Variants in C5 observed in about 807,000 individuals in gnomAD.
The protein encoded by C5 is C3 and PZP-like alpha-2-macroglobulin domain-containing protein 4.
A neutral mutation model predicts 218.8 loss-of-function variants in C5; 140 were observed. The ratio of observed to expected loss-of-function variants is 0.64; its 90% CI spans 0.56 to 0.74. C5 has a LOEUF of 0.74. Ranked by LOEUF, C5 falls within the 30% of genes least tolerant of loss-of-function variation. The probability of loss-of-function intolerance (pLI) is 0.00; values close to 1 mark genes in which losing one functional copy is unlikely to be tolerated. For missense variants in C5, 1,700 were observed against 1,969.6 expected, an observed-to-expected ratio of 0.86 and a Z score of 2.59; for synonymous variants, 614 against 682.3, an observed-to-expected ratio of 0.90 and a Z score of 1.56.
chr9:121,063,995 T>C, the C5 span, among the ~76,000 whole-genome samples: 1 of 151,408 alleles, frequency 6.6e-6, no homozygotes, highest in Non-Finnish European at 1.5e-5. Flanking sequence ...GATATTTCTT[T>C]GTAAGAAGAA....
intron 20 of C5, among the ~76,000 whole-genome samples, chr9:121,005,121 C>T (rs41309884): frequency 1.7e-3 from 266 of 152,164 alleles, no homozygotes; most frequent in African/African-American, 5.9e-3. Context: ...AATTTTGGAA[C>T]ACATTGAATT....
At position 120,952,460 on chromosome 9, in the gene C5, T is replaced by A; in HGVS notation, c.*279A>T. 1 of 374,112 alleles carries A rather than the reference T, an allele frequency of 2.7e-6. No homozygotes were observed. Among genetic ancestry groups the A allele is most frequent in the Non-Finnish European group, 5.1e-6 (1 of 195,180 alleles). The allele number at this position is 374,112 out of a possible 1,614,324, so 23.2% of individuals were successfully genotyped here. A position where few individuals can be genotyped will look rare whatever the true frequency, so the allele number is the denominator to read the frequency against. ...TTCTTTCGGCCCCAGCAAACATTCC[T>A]GAGTGGTAGGTTTGAGGAGGTGTTC... On this transcript the variant is annotated 3_prime_UTR_variant, in exon 41 of 41. Coordinates refer to ENST00000223642, the MANE Select transcript of C5 (RefSeq NM_001735.3).
chr9:121,054,131 C>T (rs2047686601), upstream of C5, among the ~76,000 whole-genome samples: 2 of 151,918 alleles, frequency 1.3e-5, no homozygotes, highest in African/African-American at 4.8e-5. Flanking sequence ...CTTGTTATAC[C>T]CCCTCCCTTT....
At chr9:121,041,321 C>CTTTTT (rs2047578435) in intron 3 of C5, among the ~76,000 whole-genome samples, 1 of 5,678 alleles carries the variant, frequency 1.8e-4, no homozygotes, top group African/African-American at 4.1e-4. Context: ...TTTTTTTTTG[C>CTTTTT]TGAGACGAAG....
chr9:120,968,966 T>C, intron 33 of C5, 95 bp downstream of exon 33: 1 of 1,001,554 alleles, frequency 1.0e-6, no homozygotes. Flanking sequence ...TTGTATCTTC[T>C]GGACATACCA....
chr9:121,005,376 A>G (rs1374863511), intron 20 of C5, among the ~76,000 whole-genome samples: 1 of 152,204 alleles, frequency 6.6e-6, no homozygotes, highest in Non-Finnish European at 1.5e-5. Flanking sequence ...GTAAAGGACA[A>G]TAAAAGGGAT....
chr9:120,974,360 C>T (rs772395230), intron 30 of C5, among the ~76,000 whole-genome samples: 72 of 152,336 alleles, frequency 4.7e-4, no homozygotes, highest in Middle Eastern at 3.4e-3. Flanking sequence ...TTCCCTCCTA[C>T]GCTCACTGTA....
intron 39 of C5, 152 bp from the exon 40 acceptor site, chr9:120,954,020 G>C (rs2046767367): frequency 1.3e-6 from 1 of 755,346 alleles, no homozygotes; most frequent in South Asian, 1.6e-5. Context: ...TCAGTCTCTG[G>C]AGCCAGACTG....
chr9:120,991,133 G>T (rs1225129400), intron 23 of C5, 58 bp downstream of exon 23: 5 of 999,442 alleles, frequency 5.0e-6, no homozygotes, highest in South Asian at 2.5e-5. Flanking sequence ...GAGGATATTT[G>T]ATTTTTGTTT....
chr9:120,983,545 T>A (rs1024955942), intron 25 of C5, among the ~76,000 whole-genome samples: 9 of 152,188 alleles, frequency 5.9e-5, no homozygotes, highest in African/African-American at 2.2e-4. Flanking sequence ...TCATTTTCAT[T>A]TTTTAAATGT....
Position 121,046,202 on chromosome 9 carries a change from C to A in C5, c.247G>T (p.Ala83Ser), listed in dbSNP as rs748797024. Residue 83 changes from alanine (A) to serine (S), a missense_variant, in exon 2 of 41, where the codon GCA becomes TCA. Ala to Ser is a moderately conservative substitution (Grantham distance 99). Transcript: ENST00000223642. ...GGATAAATACATACTGTTAAGATTG[C>A]AGAGTTTTGGAATTTATTCTCTGAG... The part of the protein sequence containing the change: ...LSSENKFQNS[A>S]ILTIQPKQLP... 2.1e-5 allele frequency: 33 copies of A among 1,572,952 alleles called. No homozygotes were observed. The highest frequency in any genetic ancestry group is 2.5e-5 in the Non-Finnish European group (29 of 1,146,114).
intron 3 of C5, among the ~76,000 whole-genome samples, chr9:121,040,343 G>A (rs1276706222): frequency 6.6e-6 from 1 of 152,186 alleles, no homozygotes; most frequent in African/African-American, 2.4e-5. Context: ...GGCCGTAGTA[G>A]GTGATGAAGC....
At position 120,996,246 on chromosome 9, in the gene C5, T is replaced by C. The variant is rs752160076; in HGVS notation, c.2845A>G (p.Ile949Val). ...YSGVTLDPRG[I>V]YGTISRRKEF... The stretch of plus-strand genomic sequence containing the variant: ...AAAAAATCATTTTGCCTACCATAAA[T>C]ACCCCTAGGATCCAAAGTAACACCA... Residue 949 changes from isoleucine to valine, a missense_variant, in exon 22 of 41, where the codon ATT becomes GTT. Coordinates refer to ENST00000223642, the MANE Select transcript of C5 (RefSeq NM_001735.3). The C allele has an allele frequency of 1.2e-6, 2 of 1,607,306 alleles. No homozygotes were observed. The highest frequency in any genetic ancestry group is 1.1e-5 in the South Asian group (1 of 90,912).
At chr9:121,005,773 T>C (rs2047210777) in intron 20 of C5, 146 bp downstream of exon 20, 8 of 748,868 alleles carry the variant, frequency 1.1e-5, no homozygotes, top group South Asian at 6.5e-5. Flanking sequence ...CCTACACATA[T>C]AGTACAATGC....
intron 5 of C5, among the ~76,000 whole-genome samples, chr9:121,033,075 T>TACAC (rs41308022): frequency 1.7e-4 from 26 of 151,194 alleles, no homozygotes; most frequent in South Asian, 6.3e-4. Flanking sequence ...CACATATATA[T>TACAC]ACACACACAC....
chr9:120,960,512 GAAAAC>G (rs915914314), intron 37 of C5, among the ~76,000 whole-genome samples, 175 bp from the exon 38 acceptor site: 3 of 152,052 alleles, frequency 2.0e-5, no homozygotes, highest in African/African-American at 7.2e-5. Context: ...ATTACATAAA[GAAAAC>G]AAAACAAACA....
intron 25 of C5, among the ~76,000 whole-genome samples, chr9:120,984,530 G>C (rs754524191): frequency 8.6e-5 from 13 of 152,036 alleles, no homozygotes; most frequent in Non-Finnish European, 1.9e-4. Context: ...CGGCCAGGCT[G>C]CCTCTCCACT....
intron 28 of C5, among the ~76,000 whole-genome samples, chr9:120,979,089 C>T (rs1182856183): frequency 2.0e-5 from 3 of 152,188 alleles, no homozygotes; most frequent in African/African-American, 7.2e-5. Context: ...ATGACCTTCC[C>T]TTGCTCCCTC....
rs112194492 is a variant in C5, at chr9:120,964,064, G to A, written c.4221-326C>T. On this transcript the variant is annotated intron_variant, in intron 33 of 40. Coordinates refer to ENST00000223642, the MANE Select transcript of C5 (RefSeq NM_001735.3). ...CATGGCTAATTCATGCAGAGCTACA[G>A]AAGAATCCAGGTCTTTGGATTCTCA... 8.7e-3 allele frequency among the ~76,000 whole-genome samples: 1,325 copies of A among 152,326 alleles called. 23 individuals are homozygous for A. Among genetic ancestry groups the A allele is most frequent in the African/African-American group, 0.03 (1,264 of 41,554 alleles).
Sources: allele counts gnomAD v4.1 joint callset (sites outside exome capture counted in the v4.1 genomes callset), GRCh38; gene constraint gnomAD v4.1.1; transcripts MANE v1.5; gene names NCBI Gene and HGNC (gene_info 2026-07-23, HGNC 2026-07-21).